Variants in SCHIP1 observed in about 807,000 individuals in gnomAD.
The protein encoded by SCHIP1 is schwannomin interacting protein 1, also known as schwannomin-interacting protein 1.
A neutral mutation model predicts 29.7 loss-of-function variants in SCHIP1; 8 were observed. The ratio of observed to expected loss-of-function variants is 0.27; its 90% CI spans 0.16 to 0.49. The LOEUF is 0.49. Among genes scored for constraint, SCHIP1 ranks in the 20% least tolerant of loss-of-function variants. SCHIP1 has a pLI of 0.99. For synonymous variants in SCHIP1, 76 were observed against 94.9 expected (o/e 0.80, Z 1.16); for missense variants, 193 against 294.6 (o/e 0.66, Z 2.52).
At chr3:159,511,891 T>G in the SCHIP1 span, among the ~76,000 whole-genome samples, 1 of 152,146 alleles carries the variant, frequency 6.6e-6, no homozygotes, top group Admixed American at 6.6e-5. Flanking sequence ...ACTTTAAATC[T>G]TTTATTAGGA....
chr3:159,566,228 G>A, the SCHIP1 span, among the ~76,000 whole-genome samples: 1 of 152,142 alleles, frequency 6.6e-6, no homozygotes, highest in Admixed American at 6.5e-5. Flanking sequence ...CTGTGTCTCA[G>A]TTTCCTCTCA....
At chr3:159,274,636 T>A in the SCHIP1 span, 8 of 823,600 alleles carry the variant, frequency 9.7e-6, no homozygotes, top group African/African-American at 1.5e-4. Context: ...TATTATTATA[T>A]GACACAACCA....
the SCHIP1 span, chr3:159,398,948 A>T: frequency 4.1e-6 from 4 of 984,008 alleles, no homozygotes; most frequent in African/African-American, 7.0e-5. Context: ...GGATTATTCA[A>T]ACAAGTGTGG....
chr3:159,804,628 A>G, the SCHIP1 span, among the ~76,000 whole-genome samples: 1 of 152,290 alleles, frequency 6.6e-6, no homozygotes, highest in South Asian at 2.1e-4. Flanking sequence ...TTGCTACCAC[A>G]TTTTCCAAAG....
the SCHIP1 span, among the ~76,000 whole-genome samples, chr3:159,723,554 C>T: frequency 6.6e-6 from 1 of 152,174 alleles, no homozygotes; most frequent in Admixed American, 6.5e-5. Flanking sequence ...GTTTGCTTCA[C>T]ATACTAGGTC....
At chr3:159,466,982 T>C in the SCHIP1 span, among the ~76,000 whole-genome samples, 2 of 151,936 alleles carry the variant, frequency 1.3e-5, no homozygotes, top group African/African-American at 2.4e-5. Context: ...ATAAACAACA[T>C]TAAAAATAAA....
At chr3:159,376,821 G>A in the SCHIP1 span, among the ~76,000 whole-genome samples, 14 of 152,208 alleles carry the variant, frequency 9.2e-5, no homozygotes, top group East Asian at 1.9e-3. Context: ...TCCATCAGTA[G>A]CCCCAGTTTT....
At chr3:159,482,360 C>T in the SCHIP1 span, among the ~76,000 whole-genome samples, 1 of 152,040 alleles carries the variant, frequency 6.6e-6, no homozygotes, top group Non-Finnish European at 1.5e-5. Context: ...GAAAATATGT[C>T]CTAAACTGCA....
chr3:159,474,763 C>A, the SCHIP1 span, among the ~76,000 whole-genome samples: 2 of 152,088 alleles, frequency 1.3e-5, no homozygotes. Context: ...AAAACACATT[C>A]CCTGGTCAAA....
chr3:159,525,580 G>A, the SCHIP1 span, among the ~76,000 whole-genome samples: 2 of 152,204 alleles, frequency 1.3e-5, no homozygotes, highest in Non-Finnish European at 2.9e-5. Flanking sequence ...GGTGCATTGA[G>A]AGAGCACCAT....
chr3:159,561,364 T>C, the SCHIP1 span, among the ~76,000 whole-genome samples: 1 of 152,178 alleles, frequency 6.6e-6, no homozygotes, highest in African/African-American at 2.4e-5. Flanking sequence ...ACAGGTAAAA[T>C]AAAAGCTGTC....
chr3:159,890,607 T>A lies in SCHIP1; in HGVS notation c.590-1490T>A, dbSNP rs971134622. ...TTTAAAAAAATTCTACAACTGCATT[T>A]TAATTTTAGTTGAAAATTAATTACT... On this transcript the variant is annotated intron_variant, in intron 5 of 6. Coordinates refer to ENST00000445224, the Ensembl canonical transcript of SCHIP1. Among the ~76,000 whole-genome samples, 4 of 152,348 alleles carry A rather than the reference T, an allele frequency of 2.6e-5. No individual in the cohort carries two copies. In the East Asian group the frequency reaches 7.7e-4, roughly 29 times the overall value.
the SCHIP1 span, among the ~76,000 whole-genome samples, chr3:159,575,176 C>T: frequency 2.6e-5 from 4 of 152,222 alleles, no homozygotes; most frequent in Admixed American, 1.3e-4. Flanking sequence ...AATCACCCGT[C>T]TTCTTCGTCA....
chr3:159,783,080 A>T, the SCHIP1 span, among the ~76,000 whole-genome samples: 1 of 152,216 alleles, frequency 6.6e-6, no homozygotes, highest in South Asian at 2.1e-4. Flanking sequence ...CCATTCATTT[A>T]CTTATTCACT....
At chr3:159,394,952 T>C in the SCHIP1 span, among the ~76,000 whole-genome samples, 1 of 152,226 alleles carries the variant, frequency 6.6e-6, no homozygotes, top group Non-Finnish European at 1.5e-5. Flanking sequence ...GCCTGGACTC[T>C]TTTTGGTTGG....
chr3:159,626,208 ATATATCTAGATATATATATATC>A, the SCHIP1 span, among the ~76,000 whole-genome samples: 498 of 127,012 alleles, frequency 3.9e-3, 39 homozygotes, highest in African/African-American at 0.02. Context: ...AGATAGATAG[ATATATCTAGATATATATATATC>A]TAGATATATC....
intron 2 of SCHIP1, among the ~76,000 whole-genome samples, chr3:159,880,030 A>G (rs149824406): frequency 1.2e-4 from 18 of 152,344 alleles, no homozygotes; most frequent in Non-Finnish European, 2.1e-4. Context: ...GAAAGTATGC[A>G]TAAGATTAGG....
the SCHIP1 span, among the ~76,000 whole-genome samples, chr3:159,376,471 A>G: frequency 1.3e-5 from 2 of 152,262 alleles, no homozygotes; most frequent in Non-Finnish European, 2.9e-5. Flanking sequence ...TTCATCCTGG[A>G]GCCAATTGAT....
At chr3:159,289,406 C>CTTAT in the SCHIP1 span, among the ~76,000 whole-genome samples, 590 of 150,214 alleles carry the variant, frequency 3.9e-3, 5 homozygotes, top group South Asian at 9.9e-3. Flanking sequence ...ACATAAAGCT[C>CTTAT]TTATTTATTT....
Sources: gnomAD v4.1 joint callset for allele counts (sites outside exome capture counted in the v4.1 genomes callset) on GRCh38, gnomAD v4.1.1 for gene constraint, MANE v1.5 for transcripts, NCBI Gene and HGNC (gene_info 2026-07-23, HGNC 2026-07-21) for gene names.